Variants in LTB observed in about 807,000 individuals in gnomAD.
LTB encodes the protein lymphotoxin-beta.
In LTB, 17 loss-of-function variants were observed where a neutral mutation model predicts 14.7. The ratio of observed to expected loss-of-function variants is 1.16; its 90% CI spans 0.79 to 1.73. LTB has a LOEUF of 1.73. Ranked by LOEUF, LTB falls within the 40% of genes most tolerant of loss-of-function variation. The probability of loss-of-function intolerance (pLI) is 0.00; values close to 1 mark genes in which losing one functional copy is unlikely to be tolerated. For synonymous variants in LTB, 163 were observed against 157.3 expected (o/e 1.04, Z -0.27); for missense variants, 288 against 324.3 (o/e 0.89, Z 0.86).
chr6:31,580,887 G>A lies in LTB; in HGVS notation c.557C>T (p.Thr186Ile), dbSNP rs1771439716. 6.2e-7 allele frequency: 1 copy of A among 1,603,740 alleles called. No homozygotes were observed. The highest frequency in any genetic ancestry group is 8.5e-7 in the Non-Finnish European group (1 of 1,175,984). ...ELLLEGAETVTPVLDPARRQG... is the reference protein window; with the variant it reads ...ELLLEGAETVIPVLDPARRQG... ...TCTCCTGGCCGGGTCCAGCACTGGAGTCACCGTCTCGGCGCCCTCGAGCAG... is the reference window on the plus strand; with the variant it reads ...TCTCCTGGCCGGGTCCAGCACTGGAATCACCGTCTCGGCGCCCTCGAGCAG... Residue 186 changes from threonine (T) to isoleucine (I), a missense_variant, in exon 4 of 4, where the codon ACT (threonine) becomes ATT (isoleucine). This residue lies in a region of LTB where 284 missense variants were observed against 299.2 expected (regional missense o/e 0.95). Transcript: ENST00000429299. This position sits in a 1 kb window ranked among gnomAD's most constrained non-coding sequence, Gnocchi z 6.6.
At chr6:31,581,186 G>T in intron 3 of LTB, 23 bp from the exon 4 acceptor site, 2 of 1,512,106 alleles carry the variant, frequency 1.3e-6, no homozygotes, top group Non-Finnish European at 8.8e-7. Flanking sequence ...GGGCCGACGC[G>T]CTCTTGGGAA....
intron 2 of LTB, 52 bp downstream of exon 2, chr6:31,581,762 C>A: frequency 6.2e-7 from 1 of 1,609,342 alleles, no homozygotes; most frequent in South Asian, 1.1e-5. Context: ...CAGCAGGGAG[C>A]TGGGAGCCCC....
chr6:31,582,000 C>T (rs4647180), intron 1 of LTB, 141 bp from the exon 2 acceptor site: 5 of 898,260 alleles, frequency 5.6e-6, no homozygotes, highest in Admixed American at 2.6e-5. Flanking sequence ...GAAGGGAGAA[C>T]AAGCAAGGCA....
intron 2 of LTB, 43 bp downstream of exon 2, chr6:31,581,768 GCCC>G: frequency 6.2e-7 from 1 of 1,609,402 alleles, no homozygotes; most frequent in Non-Finnish European, 8.5e-7. Flanking sequence ...GGAGCTGGGA[GCCC>G]CTGAGGGTCT....
rs562961152 is a variant in LTB at position 31,581,619 on chromosome 6, G to C, written c.220C>G (p.Leu74Val). Residue 74 changes from leucine (L) to valine (V), a missense_variant, in exon 3 of 4, where the codon CTG becomes GTG. By Grantham distance (32) the Leu-to-Val change is conservative. Coordinates refer to ENST00000429299, the MANE Select transcript of LTB (RefSeq NM_002341.2). The part of the protein sequence containing the change: ...QAQQGLGFQK[L>V]PEEEPETDLS... ...TCTGTTTCTGGCTCCTCCTCTGGCA[G>C]CTTCTGAAACCCTGGAAGGGGCAAA... The C allele has an allele frequency of 6.2e-7, 1 of 1,612,976 alleles. No individual in the cohort carries two copies. Among genetic ancestry groups the C allele is most frequent in the Non-Finnish European group, 8.5e-7 (1 of 1,179,982 alleles).
chr6:31,581,451 G>A, intron 3 of LTB, 108 bp downstream of exon 3: 2 of 1,062,768 alleles, frequency 1.9e-6, no homozygotes, highest in South Asian at 1.3e-5. Context: ...AGGTCGTGAA[G>A]CGGGTGGGAA....
At chr6:31,581,269 G>A (rs1771491028) in intron 3 of LTB, 106 bp from the exon 4 acceptor site, 2 of 1,053,354 alleles carry the variant, frequency 1.9e-6, no homozygotes, top group Admixed American at 5.3e-5. Context: ...GCCGGGCCGG[G>A]GGAGGAGGGA....
Position 31,580,984 on chromosome 6 carries a change from C to T in LTB, c.460G>A (p.Gly154Ser). The change falls in exon 4 of 4, where the codon GGC becomes AGC. Residue 154 changes from glycine to serine, a missense_variant. By Grantham distance (56) the Gly-to-Ser change is moderately conservative. Coordinates refer to ENST00000429299, the MANE Select transcript of LTB (RefSeq NM_002341.2). This position sits in a 1 kb window ranked among gnomAD's most constrained non-coding sequence, Gnocchi z 6.6. ...RAPPGGGDPQ[G>S]RSVTLRSSLY... ...GAGCTGCGCAGCGTGACCGAGCGGC[C>T]CTGGGGGTCCCCGCCGCCAGGGGGC... The T allele has an allele frequency of 6.4e-7, 1 of 1,563,824 alleles. No individual in the cohort carries two copies. Among genetic ancestry groups the T allele is most frequent in the Non-Finnish European group, 8.7e-7 (1 of 1,154,694 alleles).
At position 31,581,875 on chromosome 6, in the gene LTB, C is replaced by G; in HGVS notation, c.163-16G>C. ...TCTCCGTTACCTGGTTGGGTGGGGTCACAGTGCCCAGAGTTCAGATTCAGC... is the reference window on the plus strand; with the variant it reads ...TCTCCGTTACCTGGTTGGGTGGGGTGACAGTGCCCAGAGTTCAGATTCAGC... On this transcript the variant is annotated splice_polypyrimidine_tract_variant and intron_variant, in intron 1 of 3. Coordinates refer to ENST00000429299, the MANE Select transcript of LTB (RefSeq NM_002341.2). 6.4e-7 allele frequency: 1 copy of G among 1,573,966 alleles called. No homozygotes were observed.
intron 3 of LTB, 70 bp downstream of exon 3, chr6:31,581,489 G>A (rs567843528): frequency 1.4e-6 from 2 of 1,434,562 alleles, no homozygotes; most frequent in African/African-American, 2.8e-5. Flanking sequence ...TGGAGCCGAA[G>A]GACTCTGGGC....
In LTB at chr6:31,580,636, T is replaced by G; in HGVS notation, c.*73A>C. 7.4e-7 allele frequency: 1 copy of G among 1,343,696 alleles called. No individual in the cohort carries two copies. Among genetic ancestry groups the G allele is most frequent in the Non-Finnish European group, 1.0e-6 (1 of 972,456 alleles). The allele number at this position is 1,343,696 out of a possible 1,614,324, so 83.2% of individuals were successfully genotyped here. On this transcript the variant is annotated 3_prime_UTR_variant, in exon 4 of 4. Coordinates refer to ENST00000429299, the MANE Select transcript of LTB (RefSeq NM_002341.2). The surrounding 1 kb of genome is among the most constrained non-coding windows in gnomAD (Gnocchi z 6.6). Reference sequence around the variant, plus strand: ...AATTTCCAAACAGTCTCCTACATTTTTCCCACTGCCATGGGGTCCTGGGCG... The same window carrying G: ...AATTTCCAAACAGTCTCCTACATTTGTCCCACTGCCATGGGGTCCTGGGCG...
At chr6:31,581,503 C>T (rs2150394204) in intron 3 of LTB, 56 bp downstream of exon 3, 2 of 1,520,152 alleles carry the variant, frequency 1.3e-6, no homozygotes, top group African/African-American at 1.4e-5. Context: ...TCTGGGCGAG[C>T]AGAACTGGAA....
chr6:31,582,012 A>G, intron 1 of LTB, 153 bp from the exon 2 acceptor site: 3 of 852,098 alleles, frequency 3.5e-6, no homozygotes, highest in Non-Finnish European at 3.7e-6. Flanking sequence ...AGCAAGGCAT[A>G]GGTACTTGGG....
intron 2 of LTB, 53 bp downstream of exon 2, chr6:31,581,761 G>C (rs573864094): frequency 1.2e-6 from 2 of 1,608,846 alleles, no homozygotes; most frequent in Non-Finnish European, 1.7e-6. Flanking sequence ...GCAGCAGGGA[G>C]CTGGGAGCCC....
intron 1 of LTB, 23 bp from the exon 2 acceptor site, chr6:31,581,882 C>G (rs181617527): frequency 1.3e-6 from 2 of 1,564,760 alleles, no homozygotes; most frequent in Non-Finnish European, 1.7e-6. Context: ...GGTCACAGTG[C>G]CCAGAGTTCA....
At chr6:31,581,951 T>A in intron 1 of LTB, 92 bp from the exon 2 acceptor site, 2 of 1,303,250 alleles carry the variant, frequency 1.5e-6, no homozygotes, top group Non-Finnish European at 2.1e-6. Flanking sequence ...AGGCCTGGGG[T>A]TTCTCCTACC....
chr6:31,581,399 T>G (rs1011927853), intron 3 of LTB, among the ~76,000 whole-genome samples, 160 bp downstream of exon 3: 1 of 151,858 alleles, frequency 6.6e-6, no homozygotes, highest in African/African-American at 2.4e-5. Flanking sequence ...AAGAAGAAAC[T>G]ACACTGCGGG....
intron 1 of LTB, 48 bp downstream of exon 1, chr6:31,582,208 G>C (rs774898008): frequency 1.2e-6 from 2 of 1,601,560 alleles, no homozygotes; most frequent in Non-Finnish European, 8.5e-7. Flanking sequence ...AGGGAGCCAA[G>C]CATCCGCAAG....
Position 31,580,573 on chromosome 6 carries a change from G to A in LTB, c.*136C>T, listed in dbSNP as rs1401218852. 15 of 863,078 alleles carry A rather than the reference G, an allele frequency of 1.7e-5. No homozygotes were observed. The highest frequency in any genetic ancestry group is 2.5e-5 in the Non-Finnish European group (14 of 557,820). 53.5% of individuals were successfully genotyped at this position (863,078 alleles called of 1,614,324 possible). A position where few individuals can be genotyped will look rare whatever the true frequency, so the allele number is the denominator to read the frequency against. ...ACTCAGCATCTTTATCGGCAGCACTGAAGCTTTCCATTCTTTATTTTCATC... is the reference window on the plus strand; with the variant it reads ...ACTCAGCATCTTTATCGGCAGCACTAAAGCTTTCCATTCTTTATTTTCATC... On this transcript the variant is annotated 3_prime_UTR_variant, in exon 4 of 4. Coordinates refer to ENST00000429299, the MANE Select transcript of LTB (RefSeq NM_002341.2). The surrounding 1 kb of genome is among the most constrained non-coding windows in gnomAD (Gnocchi z 6.6).
Sources: allele counts gnomAD v4.1 joint callset (sites outside exome capture counted in the v4.1 genomes callset), GRCh38; gene constraint gnomAD v4.1.1; regional missense constraint gnomAD v4.1.1; non-coding constraint Gnocchi (gnomAD v3.1); transcripts MANE v1.5; gene names NCBI Gene and HGNC (gene_info 2026-07-23, HGNC 2026-07-21).